The following WWC2 variants were observed in gnomAD, a reference collection of about 807,000 sequenced individuals.
The protein encoded by WWC2 is WW and C2 domain containing 2.
In WWC2, 101 loss-of-function variants were observed where a neutral mutation model predicts 138.5. The ratio of observed to expected loss-of-function variants is 0.73; its 90% CI spans 0.62 to 0.86. The LOEUF is 0.86. WWC2 is among the 40% of genes least tolerant of loss of function. The pLI is 0.00. For synonymous variants in WWC2, 558 were observed against 538.4 expected, an observed-to-expected ratio of 1.04 and a Z score of -0.50; for missense variants, 1,420 against 1,419.4, an observed-to-expected ratio of 1.00 and a Z score of -0.01.
chr4:183,228,816 C>T (rs531557354), intron 4 of WWC2, among the ~76,000 whole-genome samples: 1 of 152,148 alleles, frequency 6.6e-6, no homozygotes, highest in Admixed American at 6.5e-5. Context: ...TAGTGTGTAG[C>T]CTGTGTCTGG....
chr4:183,200,117 T>G (rs1287941878), intron 2 of WWC2, among the ~76,000 whole-genome samples: 2 of 152,232 alleles, frequency 1.3e-5, no homozygotes, highest in African/African-American at 4.8e-5. Context: ...CCACTGACTC[T>G]CTTGTAATAT....
chr4:183,220,644 C>A (rs574725041), intron 4 of WWC2, among the ~76,000 whole-genome samples: 50 of 151,768 alleles, frequency 3.3e-4, no homozygotes, highest in Non-Finnish European at 5.2e-4. Context: ...ACCATCCTGG[C>A]TAACACAGTG....
intron 1 of WWC2, among the ~76,000 whole-genome samples, chr4:183,169,534 A>G (rs1248945477): frequency 3.9e-5 from 6 of 152,040 alleles, no homozygotes; most frequent in Non-Finnish European, 8.8e-5. Flanking sequence ...ACAGCCTCCT[A>G]CAGTGCTGGG....
intron 11 of WWC2, among the ~76,000 whole-genome samples, chr4:183,263,180 C>G (rs908057624): frequency 1.3e-5 from 2 of 152,130 alleles, no homozygotes; most frequent in Non-Finnish European, 1.5e-5. Context: ...GAACTTACAT[C>G]TTTTGACCTT....
At chr4:183,132,315 A>C (rs1732950399) in intron 1 of WWC2, among the ~76,000 whole-genome samples, 1 of 152,176 alleles carries the variant, frequency 6.6e-6, no homozygotes, top group African/African-American at 2.4e-5. Flanking sequence ...TCTAAATCCT[A>C]CAGGGAGTAC....
In WWC2 at chr4:183,261,207, A is replaced by G. The variant is rs751829708; in HGVS notation, c.1584A>G (p.Ala528=). The change falls in exon 11 of 23, where the codon GCA becomes GCG. Residue 528 remains alanine, a synonymous_variant. Transcript: ENST00000403733. ...GQSGLCGVAA[A]ATGHTPPLAE... ...GTGGACTCTGTGGAGTGGCAGCTGC[A>G]GCAACAGGCCACACTCCTCCACTGG... 6.2e-7 allele frequency: 1 copy of G among 1,613,134 alleles called. No individual in the cohort carries two copies. The highest frequency in any genetic ancestry group is 8.5e-7 in the Non-Finnish European group (1 of 1,179,592).
chr4:183,250,221 A>G (rs184331665), intron 8 of WWC2, among the ~76,000 whole-genome samples: 2 of 147,470 alleles, frequency 1.4e-5, no homozygotes, highest in Non-Finnish European at 3.0e-5. Context: ...AGTGAGAAGT[A>G]TACAAATGAA....
chr4:183,260,882 T>A, intron 10 of WWC2, 28 bp from the exon 11 acceptor site: 6 of 1,609,054 alleles, frequency 3.7e-6, no homozygotes, highest in Non-Finnish European at 5.1e-6. Context: ...TGTAACAGAT[T>A]TTATGGTGTG....
chr4:183,167,443 G>T (rs1038872198), intron 1 of WWC2, among the ~76,000 whole-genome samples: 1 of 152,166 alleles, frequency 6.6e-6, no homozygotes, highest in African/African-American at 2.4e-5. Flanking sequence ...TGATAGATGT[G>T]CATTTGAGTT....
chr4:183,297,465 A>G (rs1268756555), intron 21 of WWC2, among the ~76,000 whole-genome samples: 1 of 150,658 alleles, frequency 6.6e-6, no homozygotes, highest in Non-Finnish European at 1.5e-5. Context: ...ACTGAAGTGC[A>G]ATGGCACAAT....
At chr4:183,107,230 A>G (rs1402665792) in intron 1 of WWC2, among the ~76,000 whole-genome samples, 1 of 148,176 alleles carries the variant, frequency 6.7e-6, no homozygotes, top group African/African-American at 2.5e-5. Context: ...ATCTCGGCTC[A>G]CTGCGGCTTC....
In WWC2 at chr4:183,112,075, G is replaced by A. The variant is rs78445299; in HGVS notation, c.131+12453G>A. 6.0e-3 allele frequency among the ~76,000 whole-genome samples: 915 copies of A among 152,186 alleles called. 10 individuals carry two copies. Among genetic ancestry groups the A allele is most frequent in the South Asian group, 0.032 (154 of 4,824 alleles). On this transcript the variant is annotated intron_variant, in intron 1 of 22. Transcript: ENST00000403733. ...ACATAGCTAATGATATTTCTCATAG[G>A]ACAGCATGACTAGAAACCAGTATTT... is the stretch of plus-strand genomic sequence containing the variant.
intron 16 of WWC2, among the ~76,000 whole-genome samples, chr4:183,278,908 A>G (rs1312557938): frequency 5.3e-5 from 8 of 151,178 alleles, no homozygotes; most frequent in African/African-American, 2.0e-4. Flanking sequence ...TAGATATACA[A>G]TCATGTCGTC....
chr4:183,219,342 G>T (rs752159823), intron 4 of WWC2, among the ~76,000 whole-genome samples: 8 of 151,980 alleles, frequency 5.3e-5, no homozygotes, highest in Non-Finnish European at 1.2e-4. Flanking sequence ...CAAAAATAAA[G>T]AATAAAATAA....
intron 1 of WWC2, among the ~76,000 whole-genome samples, chr4:183,173,097 T>A (rs1580010939): frequency 6.6e-6 from 1 of 151,752 alleles, no homozygotes; most frequent in African/African-American, 2.4e-5. Context: ...CAGGCTGGAG[T>A]GCAGTGGTAT....
intron 1 of WWC2, among the ~76,000 whole-genome samples, chr4:183,105,644 A>G (rs972233228): frequency 2.0e-5 from 3 of 152,176 alleles, no homozygotes; most frequent in Non-Finnish European, 4.4e-5. Flanking sequence ...TAATCCCAGC[A>G]CTTTGGGAGG....
Position 183,129,800 on chromosome 4 carries a change from G to A in WWC2, c.131+30178G>A, listed in dbSNP as rs562528539. Among the ~76,000 whole-genome samples, 3 of 152,308 alleles carry A rather than the reference G, an allele frequency of 2.0e-5. No homozygotes were observed. In the South Asian group the frequency reaches 6.2e-4, roughly 32 times the overall value. On this transcript the variant is annotated intron_variant, in intron 1 of 22. Transcript: ENST00000403733. The stretch of plus-strand genomic sequence containing the variant: ...TGGATATTTCTGGCCTTTTACTAGG[G>A]AAAGTTAGAATCCATGTCTTTGATG...
At chr4:183,295,789 G>A (rs1487359063) in intron 21 of WWC2, among the ~76,000 whole-genome samples, 2 of 151,766 alleles carry the variant, frequency 1.3e-5, no homozygotes, top group Non-Finnish European at 2.9e-5. Flanking sequence ...CCAGGGTGCC[G>A]AGATCCCTGA....
At chr4:183,159,646 C>T (rs989263091) in intron 1 of WWC2, among the ~76,000 whole-genome samples, 1 of 151,320 alleles carries the variant, frequency 6.6e-6, no homozygotes, top group Non-Finnish European at 1.5e-5. Flanking sequence ...CTCAGGTGAT[C>T]CATCTGCCTC....
Sources: allele counts gnomAD v4.1 joint callset (sites outside exome capture counted in the v4.1 genomes callset), GRCh38; gene constraint gnomAD v4.1.1; transcripts MANE v1.5; gene names NCBI Gene and HGNC (gene_info 2026-07-23, HGNC 2026-07-21).